SAMD15: variants seen among roughly 807,000 people sequenced by gnomAD.
The protein encoded by SAMD15 is sterile alpha motif domain containing 15.
Under a neutral mutation model 50.5 loss-of-function variants are expected in SAMD15, and 37 were observed. That is an observed-to-expected ratio of 0.73 (90% CI 0.56 to 0.96). SAMD15 has a LOEUF of 0.96. Among genes scored for constraint, SAMD15 ranks in the 40% least tolerant of loss-of-function variants. SAMD15 has a pLI of 0.00. For synonymous variants in SAMD15, 255 were observed against 282.8 expected, an observed-to-expected ratio of 0.90 and a Z score of 0.99; for missense variants, 789 against 783.8, an observed-to-expected ratio of 1.01 and a Z score of -0.08.
chr14:77,382,936 G>A (rs184575200), intron 2 of SAMD15, among the ~76,000 whole-genome samples: 2 of 106,094 alleles, frequency 1.9e-5, no homozygotes, highest in East Asian at 4.0e-4. Flanking sequence ...TGCTGGTCTC[G>A]ACCTCCTGAC....
rs983257953 is a variant in SAMD15 at position 77,391,238 on chromosome 14, AC to A, written c.2021del (p.Pro674HisfsTer10). The A allele has an allele frequency of 5.0e-6, 8 of 1,590,306 alleles. No homozygotes were observed. The highest frequency in any genetic ancestry group is 1.7e-4 in the Middle Eastern group (1 of 6,018). ...AGAATGAGGAATTACCTTGCACTGAACCATAGGGGAAATCCACTTCACAGAG... is the reference window on the plus strand; with the variant it reads ...AGAATGAGGAATTACCTTGCACTGAACATAGGGGAAATCCACTTCACAGAG... ...EENEELPCTE[P>X] On this transcript the variant is annotated frameshift_variant, in exon 3 of 3. Transcript: ENST00000216471. LOFTEE classifies it high-confidence loss of function.
Position 77,391,249 on chromosome 14 carries a change from AATCCACTTC to A in SAMD15, c.*7_*15del. ...TTACCTTGCACTGAACCATAGGGGA[AATCCACTTC>A]ACAGAGCTTGAAAGATCAAACTAAA... On this transcript the variant is annotated 3_prime_UTR_variant, in exon 3 of 3. Coordinates refer to ENST00000216471, the MANE Select transcript of SAMD15 (RefSeq NM_001010860.4). 1 of 1,551,528 alleles carries A rather than the reference AATCCACTTC, an allele frequency of 6.4e-7. No homozygotes were observed.
At chr14:77,385,487 C>A (rs1460191975) in intron 2 of SAMD15, among the ~76,000 whole-genome samples, 6 of 151,956 alleles carry the variant, frequency 3.9e-5, no homozygotes, top group Admixed American at 1.3e-4. Context: ...TGGGGTTTCG[C>A]CATGTTGGCC....
At chr14:77,389,579 C>G (rs1316429947) in intron 2 of SAMD15, among the ~76,000 whole-genome samples, 1 of 148,120 alleles carries the variant, frequency 6.8e-6, no homozygotes, top group Non-Finnish European at 1.5e-5. Flanking sequence ...CGGCTCACTG[C>G]AGCCTCCGCC....
In SAMD15 at chr14:77,391,336, T is replaced by A. The variant is rs1389955216; in HGVS notation, c.*92T>A. 9 of 816,028 alleles carry A rather than the reference T, an allele frequency of 1.1e-5. No individual in the cohort carries two copies. The African/African-American group carries it at 1.2e-4, about 11-fold the overall frequency. The allele number at this position is 816,028 out of a possible 1,614,324, so 50.5% of individuals were successfully genotyped here. A position where few individuals can be genotyped will look rare whatever the true frequency, so the allele number is the denominator to read the frequency against. Reference sequence around the variant, plus strand: ...TTTGGTTTTCTTTTTCTCCTTTTTTTTTTTTTTATTTTTTTGAGACAGAGT... The same window carrying A: ...TTTGGTTTTCTTTTTCTCCTTTTTTATTTTTTTATTTTTTTGAGACAGAGT... On this transcript the variant is annotated 3_prime_UTR_variant, in exon 3 of 3. Coordinates refer to ENST00000216471, the MANE Select transcript of SAMD15 (RefSeq NM_001010860.4).
chr14:77,387,286 G>C (rs1894015934), intron 2 of SAMD15, among the ~76,000 whole-genome samples: 1 of 151,980 alleles, frequency 6.6e-6, no homozygotes, highest in African/African-American at 2.4e-5. Context: ...TATTTTAAAA[G>C]TTAGCCAGGT....
In SAMD15 at chr14:77,391,339, T is replaced by TA. The variant is rs536502868; in HGVS notation, c.*95_*96insA. ...GGTTTTCTTTTTCTCCTTTTTTTTT[T>TA]TTTTATTTTTTTGAGACAGAGTCTT... is the stretch of plus-strand genomic sequence containing the variant. On this transcript the variant is annotated 3_prime_UTR_variant, in exon 3 of 3. Transcript: ENST00000216471. The TA allele has an allele frequency of 2.4e-4, 195 of 819,416 alleles. No individual in the cohort carries two copies. The South Asian group carries it at 3.3e-3, about 14-fold the overall frequency. 50.8% of individuals were successfully genotyped at this position (819,416 alleles called of 1,614,324 possible).
intron 2 of SAMD15, among the ~76,000 whole-genome samples, chr14:77,389,933 C>T (rs140080591): frequency 1.7e-3 from 260 of 151,980 alleles, no homozygotes; most frequent in African/African-American, 5.9e-3. Flanking sequence ...TAAAACAGCT[C>T]GAACTTTAAT....
At chr14:77,382,441 T>C (rs564881715) in intron 2 of SAMD15, among the ~76,000 whole-genome samples, 20 of 152,314 alleles carry the variant, frequency 1.3e-4, no homozygotes, top group African/African-American at 4.1e-4. Context: ...GTATTTTTAA[T>C]AGAGACAGGG....
At chr14:77,389,691 G>A (rs903661206) in intron 2 of SAMD15, among the ~76,000 whole-genome samples, 6 of 151,726 alleles carry the variant, frequency 4.0e-5, no homozygotes, top group African/African-American at 1.5e-4. Context: ...AGTAGAGATG[G>A]GGTTTCACCA....
In SAMD15 at chr14:77,378,125, C is replaced by A; in HGVS notation, c.707C>A (p.Thr236Asn). 1 of 1,613,760 alleles carries A rather than the reference C, an allele frequency of 6.2e-7. No individual in the cohort carries two copies. The highest frequency in any genetic ancestry group is 1.3e-5 in the African/African-American group (1 of 74,950). Reference protein sequence around the residue: ...EETDLQPPKMTKPETPEETQR... With the variant: ...EETDLQPPKMNKPETPEETQR... ...ACAGATCTTCAGCCACCAAAGATGACCAAACCAGAGACTCCAGAGGAGACA... is the reference window on the plus strand; with the variant it reads ...ACAGATCTTCAGCCACCAAAGATGAACAAACCAGAGACTCCAGAGGAGACA... Residue 236 changes from threonine to asparagine, a missense_variant, in exon 1 of 3, where the codon ACC becomes AAC. Thr to Asn is a moderately conservative substitution (Grantham distance 65). Coordinates refer to ENST00000216471, the MANE Select transcript of SAMD15 (RefSeq NM_001010860.4).
intron 2 of SAMD15, among the ~76,000 whole-genome samples, chr14:77,385,294 CTT>C (rs1004372628): frequency 6.7e-6 from 1 of 148,408 alleles, no homozygotes. Flanking sequence ...TTTCTTTTTT[CTT>C]TTTTTTTGAG....
intron 2 of SAMD15, among the ~76,000 whole-genome samples, chr14:77,388,064 A>C (rs905991992): frequency 5.9e-5 from 9 of 152,196 alleles, no homozygotes; most frequent in African/African-American, 2.2e-4. Context: ...AATACACACG[A>C]ATGTGTAGGG....
At position 77,378,734 on chromosome 14, in the gene SAMD15, T is replaced by C. The variant is rs751235178; in HGVS notation, c.1316T>C (p.Leu439Pro). ...KSKYSVGNDE[L>P]EHREPKRGKL... ...AAGTATTCTGTAGGAAACGATGAGC[T>C]AGAGCACCGTGAGCCTAAAAGAGGA... Residue 439 changes from leucine (L) to proline (P), a missense_variant, in exon 1 of 3, where the codon CTA becomes CCA. By Grantham distance (98) the Leu-to-Pro change is moderately conservative. Around this residue, in one of 2 missense-constraint regions of SAMD15, gnomAD observed 770 missense variants for 745.4 expected, o/e 1.03. Coordinates refer to ENST00000216471, the MANE Select transcript of SAMD15 (RefSeq NM_001010860.4). The C allele has an allele frequency of 2.5e-6, 4 of 1,612,952 alleles. No homozygotes were observed. Among genetic ancestry groups the C allele is most frequent in the Non-Finnish European group, 3.4e-6 (4 of 1,179,726 alleles).
In SAMD15 at chr14:77,377,910, A is replaced by G. The variant is rs1344986408; in HGVS notation, c.492A>G (p.Pro164=). Reference sequence around the variant, plus strand: ...AAACAGATCCAGATCCAGTGCCACCAACGGAAACCATGTCTGAGGTTTCGG... The same window carrying G: ...AAACAGATCCAGATCCAGTGCCACCGACGGAAACCATGTCTGAGGTTTCGG... The part of the protein sequence containing the change: ...AMETDPDPVP[P]TETMSEVSGA... Residue 164 remains proline (P), a synonymous_variant, in exon 1 of 3, where the codon CCA becomes CCG. Transcript: ENST00000216471. The G allele has an allele frequency of 1.9e-6, 3 of 1,614,020 alleles. No homozygotes were observed. The highest frequency in any genetic ancestry group is 2.7e-5 in the African/African-American group (2 of 74,926).
At position 77,391,509 on chromosome 14, in the gene SAMD15, T is replaced by G. The variant is rs1247326107; in HGVS notation, c.*265T>G. On this transcript the variant is annotated 3_prime_UTR_variant, in exon 3 of 3. Transcript: ENST00000216471. Reference sequence around the variant, plus strand: ...ATTTTTGTATTTTTAGTAGATATGATGTTTCACCATGTTGGCCAGGCTGGT... The same window carrying G: ...ATTTTTGTATTTTTAGTAGATATGAGGTTTCACCATGTTGGCCAGGCTGGT... 1.4e-5 allele frequency: 4 copies of G among 288,822 alleles called. No individual in the cohort carries two copies. The highest frequency in any genetic ancestry group is 2.6e-5 in the Non-Finnish European group (4 of 155,972). 17.9% of individuals were successfully genotyped at this position (288,822 alleles called of 1,614,324 possible).
In SAMD15 at chr14:77,378,783, T is replaced by C; in HGVS notation, c.1365T>C (p.Phe455=). The change falls in exon 1 of 3, where the codon TTT becomes TTC. Residue 455 remains phenylalanine, a synonymous_variant. Transcript: ENST00000216471. ...GAAAGTTGTCACTAAGTGACAAATT[T>C]AGAAAAGAATATTACGCATTAGGAT... ...KRGKLSLSDK[F]RKEYYALGSL... 2 of 1,611,930 alleles carry C rather than the reference T, an allele frequency of 1.2e-6. No individual in the cohort carries two copies. The highest frequency in any genetic ancestry group is 1.7e-6 in the Non-Finnish European group (2 of 1,179,464).
chr14:77,380,082 A>T (rs765985459), intron 1 of SAMD15, among the ~76,000 whole-genome samples: 34 of 152,192 alleles, frequency 2.2e-4, no homozygotes, highest in Admixed American at 7.2e-4. Context: ...AATTTAATAA[A>T]GAGCTTACAT....
At position 77,391,707 on chromosome 14, in the gene SAMD15, A is replaced by G. The variant is rs752601619; in HGVS notation, c.*463A>G. Among the ~76,000 whole-genome samples the G allele has an allele frequency of 2.2e-4, 34 of 151,964 alleles. No homozygotes were observed. The highest frequency in any genetic ancestry group is 4.6e-4 in the Non-Finnish European group (31 of 67,994). On this transcript the variant is annotated 3_prime_UTR_variant, in exon 3 of 3. Transcript: ENST00000216471. ...ATGGTACCCTCCCTTTCTTTTTGCAATTTAACCCCTTGTTAAAACAAAGAT... is the reference window on the plus strand; with the variant it reads ...ATGGTACCCTCCCTTTCTTTTTGCAGTTTAACCCCTTGTTAAAACAAAGAT...
Sources: allele counts gnomAD v4.1 joint callset (sites outside exome capture counted in the v4.1 genomes callset), GRCh38; gene constraint gnomAD v4.1.1; regional missense constraint gnomAD v4.1.1; transcripts MANE v1.5; gene names NCBI Gene and HGNC (gene_info 2026-07-23, HGNC 2026-07-21).